Variants in NEO1 observed in about 807,000 individuals in gnomAD.
NEO1 encodes the protein neogenin.
In NEO1, 63 loss-of-function variants were observed where a neutral mutation model predicts 159.7. The ratio of observed to expected loss-of-function variants is 0.39; its 90% CI spans 0.32 to 0.49. NEO1 has a LOEUF of 0.49. Among genes scored for constraint, NEO1 ranks in the 20% least tolerant of loss-of-function variants. The pLI is 0.85. For synonymous variants in NEO1, 633 were observed against 662.0 expected (o/e 0.96, Z 0.67); for missense variants, 1,615 against 1,831.0 (o/e 0.88, Z 2.15).
intron 1 of NEO1, among the ~76,000 whole-genome samples, chr15:73,097,762 G>A (rs1054406725): frequency 2.2e-5 from 3 of 137,648 alleles, no homozygotes; most frequent in South Asian, 2.3e-4. Flanking sequence ...TCTAATCCCA[G>A]ACCTGGAACT....
chr15:73,267,452 A>C (rs992960112), intron 16 of NEO1, among the ~76,000 whole-genome samples: 1 of 151,720 alleles, frequency 6.6e-6, no homozygotes, highest in Non-Finnish European at 1.5e-5. Flanking sequence ...GGTTTGTTAC[A>C]TATGTATACA....
chr15:73,146,688 T>C (rs536867518), intron 5 of NEO1, among the ~76,000 whole-genome samples: 25 of 152,318 alleles, frequency 1.6e-4, no homozygotes, highest in Admixed American at 1.1e-3. Context: ...AAGAGAACTT[T>C]CAGATATTCT....
intron 5 of NEO1, among the ~76,000 whole-genome samples, chr15:73,152,923 AAGAG>A (rs1567326111): frequency 6.6e-6 from 1 of 152,086 alleles, no homozygotes; most frequent in Non-Finnish European, 1.5e-5. Flanking sequence ...TGTTTAGAGA[AAGAG>A]AGAAGAGACT....
chr15:73,109,457 T>G (rs1156373470), intron 1 of NEO1, among the ~76,000 whole-genome samples: 1 of 152,162 alleles, frequency 6.6e-6, no homozygotes, highest in African/African-American at 2.4e-5. Context: ...CCCATAGCTT[T>G]TTTTAGTGTC....
intron 1 of NEO1, among the ~76,000 whole-genome samples, chr15:73,091,671 T>A (rs1355725022): frequency 6.6e-6 from 1 of 151,896 alleles, no homozygotes; most frequent in East Asian, 1.9e-4. Context: ...TCAGGTGATC[T>A]TCCCACCACA....
At chr15:73,287,859 G>A (rs980515527) in intron 23 of NEO1, among the ~76,000 whole-genome samples, 5 of 149,604 alleles carry the variant, frequency 3.3e-5, no homozygotes, top group South Asian at 4.2e-4. Context: ...TAGCTTGGGC[G>A]ACGAGCAAAA....
intron 1 of NEO1, among the ~76,000 whole-genome samples, chr15:73,062,908 T>C (rs1400341553): frequency 6.6e-6 from 1 of 152,154 alleles, no homozygotes; most frequent in Non-Finnish European, 1.5e-5. Flanking sequence ...ACAGGTTATC[T>C]GATAGAGATG....
chr15:73,272,630 T>C, intron 19 of NEO1, 68 bp downstream of exon 19: 1 of 1,136,190 alleles, frequency 8.8e-7, no homozygotes, highest in Admixed American at 1.9e-5. Context: ...TCCAGGAGAG[T>C]ACCATGTTGC....
chr15:73,139,595 C>T (rs1158124998), intron 5 of NEO1, among the ~76,000 whole-genome samples: 2 of 152,126 alleles, frequency 1.3e-5, no homozygotes, highest in African/African-American at 4.8e-5. Flanking sequence ...TATCTAGACC[C>T]GGGGTTGGCA....
intron 15 of NEO1, among the ~76,000 whole-genome samples, chr15:73,263,723 A>G (rs1436998836): frequency 6.6e-6 from 1 of 152,194 alleles, no homozygotes; most frequent in African/African-American, 2.4e-5. Context: ...GAAGAGTTAT[A>G]TTCATCCTTT....
intron 23 of NEO1, among the ~76,000 whole-genome samples, chr15:73,286,962 C>T (rs553468344): frequency 6.6e-6 from 1 of 152,338 alleles, no homozygotes; most frequent in South Asian, 2.1e-4. Context: ...CTTCACATCA[C>T]AGCTGGTATA....
chr15:73,252,051 A>G (rs893580866), intron 11 of NEO1, among the ~76,000 whole-genome samples: 1 of 152,176 alleles, frequency 6.6e-6, no homozygotes, highest in Admixed American at 6.5e-5. Flanking sequence ...AATTTTTTCA[A>G]AACACATGTG....
chr15:73,165,051 C>T (rs1393463893), intron 5 of NEO1, among the ~76,000 whole-genome samples: 1 of 151,154 alleles, frequency 6.6e-6, no homozygotes, highest in East Asian at 1.9e-4. Flanking sequence ...CCTTTGCCTC[C>T]TGAGTGACTG....
intron 3 of NEO1, among the ~76,000 whole-genome samples, chr15:73,123,941 G>A (rs1368491735): frequency 6.6e-6 from 1 of 152,144 alleles, no homozygotes; most frequent in African/African-American, 2.4e-5. Context: ...ACTCATAAAT[G>A]TAGGTTCTTT....
intron 6 of NEO1, 64 bp from the exon 7 acceptor site, chr15:73,178,243 T>TG (rs2035395274): frequency 2.0e-6 from 3 of 1,466,772 alleles, no homozygotes; most frequent in Non-Finnish European, 2.8e-6. Context: ...AGCATATTTT[T>TG]GAGATTTTGA....
intron 9 of NEO1, among the ~76,000 whole-genome samples, chr15:73,244,739 T>A (rs1458683698): frequency 6.6e-6 from 1 of 151,494 alleles, no homozygotes; most frequent in Non-Finnish European, 1.5e-5. Context: ...TCACCTGAGG[T>A]CAGGTTTTTT....
intron 1 of NEO1, among the ~76,000 whole-genome samples, chr15:73,058,357 G>A (rs1182230508): frequency 6.6e-6 from 1 of 152,138 alleles, no homozygotes; most frequent in South Asian, 2.1e-4. Flanking sequence ...CTTGCCGAAG[G>A]TCTCACAACC....
At chr15:73,268,515 TATA>T (rs1406553502) in intron 16 of NEO1, among the ~76,000 whole-genome samples, 6 of 152,248 alleles carry the variant, frequency 3.9e-5, no homozygotes, top group African/African-American at 1.4e-4. Flanking sequence ...CTCTTGGTTA[TATA>T]ATGTATGCTA....
At chr15:73,263,903 T>C (rs1344323828) in intron 15 of NEO1, among the ~76,000 whole-genome samples, 1 of 152,172 alleles carries the variant, frequency 6.6e-6, no homozygotes, top group Non-Finnish European at 1.5e-5. Context: ...TAAAAATGTC[T>C]GGCCAGGCAC....
Sources: allele counts gnomAD v4.1 joint callset (sites outside exome capture counted in the v4.1 genomes callset), GRCh38; gene constraint gnomAD v4.1.1; transcripts MANE v1.5; gene names NCBI Gene and HGNC (gene_info 2026-07-23, HGNC 2026-07-21).